Variants in FBXO4 observed in about 807,000 individuals in gnomAD.
The protein encoded by FBXO4 is F-box protein 4.
In FBXO4, 36 loss-of-function variants were observed where a neutral mutation model predicts 43.7. The observed-to-expected ratio is 0.82, with a 90% CI of 0.63 to 1.09. The LOEUF (loss-of-function observed/expected upper bound fraction) is 1.09, where lower values mean the gene tolerates loss of function less well. FBXO4 is among the 50% of genes least tolerant of loss of function. FBXO4 has a pLI of 0.00. For synonymous variants in FBXO4, 180 were observed against 165.6 expected (o/e 1.09, Z -0.67); for missense variants, 435 against 474.1 (o/e 0.92, Z 0.77).
the FBXO4 span, chr5:41,968,088 A>G: frequency 2.9e-5 from 10 of 350,272 alleles, no homozygotes; most frequent in Admixed American, 2.7e-4. Context: ...TTAGTTGGCA[A>G]TGGGTTCTTC....
chr5:41,979,604 G>A, the FBXO4 span, among the ~76,000 whole-genome samples: 5 of 152,176 alleles, frequency 3.3e-5, no homozygotes, highest in Non-Finnish European at 7.3e-5. Context: ...CACTCAATGT[G>A]GAGGTAGGAA....
downstream of FBXO4, among the ~76,000 whole-genome samples, chr5:41,946,157 C>G (rs1034531411): frequency 2.0e-5 from 3 of 152,194 alleles, no homozygotes; most frequent in African/African-American, 7.2e-5. Flanking sequence ...GGTGGTGACA[C>G]CCCTGGACCC....
chr5:41,955,215 A>G, the FBXO4 span, among the ~76,000 whole-genome samples: 1 of 152,156 alleles, frequency 6.6e-6, no homozygotes, highest in African/African-American at 2.4e-5. Context: ...TATTTATATT[A>G]TATTCTAAAT....
rs913539321 is a variant in FBXO4, at chr5:41,927,373, G to A, written c.425+125G>A. The A allele has an allele frequency of 5.7e-5, 38 of 670,386 alleles. No homozygotes were observed. In the African/African-American group the frequency reaches 6.9e-4, roughly 12 times the overall value. 41.5% of individuals were successfully genotyped at this position (670,386 alleles called of 1,614,324 possible). On this transcript the variant is annotated intron_variant, in intron 2 of 6. Coordinates refer to ENST00000281623, the MANE Select transcript of FBXO4 (RefSeq NM_012176.3). ...GTGGATTTGGGGTCTAATTGTTCTC[G>A]TCAAAACTGGGAGTTAAATGACTTC...
the FBXO4 span, among the ~76,000 whole-genome samples, chr5:41,976,505 G>A: frequency 6.6e-6 from 1 of 152,186 alleles, no homozygotes; most frequent in Non-Finnish European, 1.5e-5. Context: ...AAAAAGAAAG[G>A]GGTAATAGGC....
chr5:41,960,986 T>C, the FBXO4 span, among the ~76,000 whole-genome samples: 1 of 152,052 alleles, frequency 6.6e-6, no homozygotes, highest in Non-Finnish European at 1.5e-5. Flanking sequence ...TTGTTTTGTT[T>C]CTTCTTGCCT....
intron 5 of FBXO4, chr5:41,934,740 C>G: frequency 9.8e-7 from 1 of 1,024,616 alleles, no homozygotes; most frequent in East Asian, 8.5e-5. Flanking sequence ...AAAATTTTAT[C>G]TTTGTTTTAT....
the FBXO4 span, among the ~76,000 whole-genome samples, chr5:42,003,374 G>A: frequency 6.6e-6 from 1 of 152,160 alleles, no homozygotes; most frequent in Non-Finnish European, 1.5e-5. Context: ...ATGAAGGAGG[G>A]AAGAGCTATT....
chr5:42,009,842 A>T, the FBXO4 span, among the ~76,000 whole-genome samples: 1 of 152,214 alleles, frequency 6.6e-6, no homozygotes, highest in African/African-American at 2.4e-5. Flanking sequence ...ATATGTTGTT[A>T]TGCAATTATT....
chr5:41,949,667 C>A, the FBXO4 span, among the ~76,000 whole-genome samples: 2 of 152,232 alleles, frequency 1.3e-5, no homozygotes, highest in South Asian at 2.1e-4. Context: ...TCAATGCTAT[C>A]CCAATCAAGC....
chr5:41,980,412 A>G, the FBXO4 span, among the ~76,000 whole-genome samples: 4 of 152,276 alleles, frequency 2.6e-5, no homozygotes, highest in South Asian at 4.1e-4. Flanking sequence ...GAAGTTAATT[A>G]ATTTCTCATT....
At chr5:42,026,195 G>T in the FBXO4 span, among the ~76,000 whole-genome samples, 3 of 151,506 alleles carry the variant, frequency 2.0e-5, no homozygotes, top group Non-Finnish European at 3.0e-5. Flanking sequence ...CCATTTTTTG[G>T]TGTCCTCTTC....
In FBXO4 at chr5:41,929,819, G is replaced by T; in HGVS notation, c.548G>T (p.Gly183Val). Residue 183 changes from glycine to valine, a missense_variant, in exon 3 of 7, where the codon GGA (glycine) becomes GTA (valine). By Grantham distance (109) the Gly-to-Val change is moderately radical. Coordinates refer to ENST00000281623, the MANE Select transcript of FBXO4 (RefSeq NM_012176.3). ...IQNEPRFAMF[G>V]PGLEELNTSL... ...AATGAACCACGATTTGCTATGTTTGGACCAGGTTTGGAAGAATTGAATACC... is the reference window on the plus strand; with the variant it reads ...AATGAACCACGATTTGCTATGTTTGTACCAGGTTTGGAAGAATTGAATACC... The T allele has an allele frequency of 3.1e-6, 5 of 1,614,100 alleles. No homozygotes were observed. The highest frequency in any genetic ancestry group is 4.2e-6 in the Non-Finnish European group (5 of 1,180,014).
At chr5:41,960,291 C>G in the FBXO4 span, among the ~76,000 whole-genome samples, 1 of 151,888 alleles carries the variant, frequency 6.6e-6, no homozygotes, top group Non-Finnish European at 1.5e-5. Flanking sequence ...ATAATGTAAT[C>G]TATGAACAGA....
the FBXO4 span, chr5:41,968,167 T>G: frequency 7.8e-6 from 2 of 255,824 alleles, no homozygotes; most frequent in African/African-American, 4.5e-5. Context: ...AAGGCAACAA[T>G]TTTTAGGTTG....
chr5:42,009,408 TG>T, the FBXO4 span, among the ~76,000 whole-genome samples: 4 of 146,568 alleles, frequency 2.7e-5, no homozygotes, highest in East Asian at 5.8e-4. Flanking sequence ...TGTGTGTGTG[TG>T]TGTGTTGCAG....
At chr5:41,991,542 C>T in the FBXO4 span, among the ~76,000 whole-genome samples, 1 of 152,200 alleles carries the variant, frequency 6.6e-6, no homozygotes, top group South Asian at 2.1e-4. Context: ...TGATTTGTCT[C>T]TTCAGAGTCC....
the FBXO4 span, among the ~76,000 whole-genome samples, chr5:41,955,380 G>T: frequency 6.6e-6 from 1 of 152,074 alleles, no homozygotes; most frequent in African/African-American, 2.4e-5. Flanking sequence ...GGGTAAATTT[G>T]GAGGGAGCAG....
At chr5:42,013,640 G>A in the FBXO4 span, among the ~76,000 whole-genome samples, 15 of 152,136 alleles carry the variant, frequency 9.9e-5, no homozygotes, top group South Asian at 1.7e-3. Flanking sequence ...CATCCAATCC[G>A]GACAGATTCT....
Sources: allele counts gnomAD v4.1 joint callset (sites outside exome capture counted in the v4.1 genomes callset), GRCh38; gene constraint gnomAD v4.1.1; transcripts MANE v1.5; gene names NCBI Gene and HGNC (gene_info 2026-07-23, HGNC 2026-07-21).